Variants in ATP6V0D1 observed in about 807,000 individuals in gnomAD.
The protein encoded by ATP6V0D1 is V-type proton ATPase subunit d 1.
ATP6V0D1 carries 13 observed loss-of-function variants against 39.0 expected under a neutral mutation model. That is an observed-to-expected ratio of 0.33 (90% CI 0.22 to 0.53). The LOEUF (loss-of-function observed/expected upper bound fraction) is 0.53. ATP6V0D1 is among the 20% of genes least tolerant of loss of function. The probability of loss-of-function intolerance (pLI) is 0.94; values close to 1 mark genes in which losing one functional copy is unlikely to be tolerated. For synonymous variants in ATP6V0D1, 191 were observed against 191.2 expected, an observed-to-expected ratio of 1.00 and a Z score of 0.01; for missense variants, 272 against 470.9, an observed-to-expected ratio of 0.58 and a Z score of 3.91.
Position 67,480,969 on chromosome 16 carries a change from C to G in ATP6V0D1, c.118G>C (p.Glu40Gln). The G allele has an allele frequency of 6.2e-7, 1 of 1,614,098 alleles. No individual in the cohort carries two copies. The highest frequency in any genetic ancestry group is 8.5e-7 in the Non-Finnish European group (1 of 1,179,980). Residue 40 changes from glutamate to glutamine, a missense_variant, in exon 1 of 8, where the codon GAG (glutamate) becomes CAG (glutamine). Coordinates refer to ENST00000290949, the MANE Select transcript of ATP6V0D1 (RefSeq NM_004691.5). ...QADYLNLVQC[E>Q]TLEDLKLHLQ... ...GGCCCCGGCTCACCCTCTAGCGTCTCGCACTGCACCAGGTTGAGGTAGTCG... is the reference window on the plus strand; with the variant it reads ...GGCCCCGGCTCACCCTCTAGCGTCTGGCACTGCACCAGGTTGAGGTAGTCG...
At chr16:67,477,730 T>A (rs1358363908) in intron 1 of ATP6V0D1, among the ~76,000 whole-genome samples, 1 of 152,162 alleles carries the variant, frequency 6.6e-6, no homozygotes, top group East Asian at 1.9e-4. Flanking sequence ...TGGAGCACAG[T>A]GGCTCGATCT....
chr16:67,459,779 G>A (rs2041274688), intron 1 of ATP6V0D1, among the ~76,000 whole-genome samples: 1 of 152,354 alleles, frequency 6.6e-6, no homozygotes. Context: ...CCTCCCCAAG[G>A]GCCATAGGGA....
intron 1 of ATP6V0D1, among the ~76,000 whole-genome samples, chr16:67,458,125 A>G (rs2041256641): frequency 6.6e-6 from 1 of 152,180 alleles, no homozygotes; most frequent in Non-Finnish European, 1.5e-5. Flanking sequence ...GGGCTTCTAA[A>G]CCAGCTCTGG....
intron 1 of ATP6V0D1, among the ~76,000 whole-genome samples, chr16:67,479,042 C>T (rs1019513240): frequency 6.6e-6 from 1 of 152,114 alleles, no homozygotes; most frequent in Admixed American, 6.6e-5. Flanking sequence ...AGGCAGCCTC[C>T]CTCTATTCTC....
At chr16:67,458,252 GCTCT>G (rs1284630583) in intron 1 of ATP6V0D1, among the ~76,000 whole-genome samples, 1 of 152,218 alleles carries the variant, frequency 6.6e-6, no homozygotes, top group Non-Finnish European at 1.5e-5. Flanking sequence ...CCAGCTTCCT[GCTCT>G]CTCTGAGGGA....
Position 67,453,424 on chromosome 16 carries a change from T to C in ATP6V0D1, c.302+120A>G. 1.7e-6 allele frequency: 2 copies of C among 1,205,674 alleles called. No individual in the cohort carries two copies. Among genetic ancestry groups the C allele is most frequent in the Non-Finnish European group, 2.4e-6 (2 of 844,606 alleles). The allele number at this position is 1,205,674 out of a possible 1,614,324, so 74.7% of individuals were successfully genotyped here. On this transcript the variant is annotated intron_variant, in intron 2 of 7. Coordinates refer to ENST00000290949, the MANE Select transcript of ATP6V0D1 (RefSeq NM_004691.5). The surrounding 1 kb of genome is among the most constrained non-coding windows in gnomAD (Gnocchi z 4.1). ...GACACCTGGCCTGACAGAGCTGCCA[T>C]CAGCTCTGACAGCTGACACAGGCAC...
At chr16:67,445,156 A>G (rs1357542759) in intron 2 of ATP6V0D1, among the ~76,000 whole-genome samples, 3 of 152,168 alleles carry the variant, frequency 2.0e-5, no homozygotes, top group Non-Finnish European at 4.4e-5. Flanking sequence ...GCCTGGAGGC[A>G]CTCACTGAGT....
At chr16:67,479,647 T>G (rs1327198892) in intron 1 of ATP6V0D1, among the ~76,000 whole-genome samples, 1 of 152,234 alleles carries the variant, frequency 6.6e-6, no homozygotes, top group Non-Finnish European at 1.5e-5. Context: ...CTTTTTCATT[T>G]GAGCTCACTT....
In ATP6V0D1 at chr16:67,460,352, C is replaced by T. The variant is rs574464032; in HGVS notation, c.131-6637G>A. Among the ~76,000 whole-genome samples, 7 of 152,334 alleles carry T rather than the reference C, an allele frequency of 4.6e-5. No homozygotes were observed. The South Asian group carries it at 6.2e-4, about 14-fold the overall frequency. On this transcript the variant is annotated intron_variant, in intron 1 of 7. Transcript: ENST00000290949. ...CTGCCCCTCCTCGGTGAATGTGCTGCGCCTGACCTCCTCCCTAGGCTCAGG... is the reference window on the plus strand; with the variant it reads ...CTGCCCCTCCTCGGTGAATGTGCTGTGCCTGACCTCCTCCCTAGGCTCAGG...
chr16:67,439,784 G>A, intron 4 of ATP6V0D1: 1 of 202,518 alleles, frequency 4.9e-6, no homozygotes, highest in Non-Finnish European at 1.0e-5. Flanking sequence ...CACTTTGGGA[G>A]GCCAAGGCAG....
At chr16:67,462,787 C>T (rs1406768191) in intron 1 of ATP6V0D1, among the ~76,000 whole-genome samples, 1 of 150,744 alleles carries the variant, frequency 6.6e-6, no homozygotes, top group African/African-American at 2.5e-5. Context: ...AAGATCATGC[C>T]ACTGCACTCC....
chr16:67,469,307 C>G (rs2041354329), intron 1 of ATP6V0D1, among the ~76,000 whole-genome samples: 1 of 151,962 alleles, frequency 6.6e-6, no homozygotes, highest in Non-Finnish European at 1.5e-5. Context: ...GACTCCTTCT[C>G]AAAATAAATA....
chr16:67,474,163 G>A (rs1375757139), intron 1 of ATP6V0D1, among the ~76,000 whole-genome samples: 3 of 152,182 alleles, frequency 2.0e-5, no homozygotes, highest in Non-Finnish European at 4.4e-5. Flanking sequence ...GGCCCACCAT[G>A]GCACCTGTCT....
Position 67,444,693 on chromosome 16 carries a change from T to C in ATP6V0D1, c.316A>G (p.Ile106Val), listed in dbSNP as rs535774381. 1 of 1,599,276 alleles carries C rather than the reference T, an allele frequency of 6.3e-7. No homozygotes were observed. The highest frequency in any genetic ancestry group is 1.3e-5 in the African/African-American group (1 of 74,836). Residue 106 changes from isoleucine (I) to valine (V), a missense_variant, in exon 3 of 8, where the codon ATC becomes GTC. By Grantham distance (29) the Ile-to-Val change is conservative. Coordinates refer to ENST00000290949, the MANE Select transcript of ATP6V0D1 (RefSeq NM_004691.5). This position sits in a 1 kb window ranked among gnomAD's most constrained non-coding sequence, Gnocchi z 4.8. ...GTGATGAGCAGGATCACGTTGTCGA[T>C]CATGTAACTGTAACTACAGGGGGCA... ...FLDFITYSYM[I>V]DNVILLITGT...
intron 1 of ATP6V0D1, among the ~76,000 whole-genome samples, chr16:67,470,048 G>A (rs1597582890): frequency 6.6e-6 from 1 of 152,162 alleles, no homozygotes; most frequent in Admixed American, 6.5e-5. Context: ...GCACTCTCTC[G>A]TAGTATTCCA....
At chr16:67,464,974 T>A (rs1353044256) in intron 1 of ATP6V0D1, among the ~76,000 whole-genome samples, 1 of 152,216 alleles carries the variant, frequency 6.6e-6, no homozygotes, top group Non-Finnish European at 1.5e-5. Flanking sequence ...TACTCCTTGG[T>A]CCTTCAGGGG....
Position 67,444,883 on chromosome 16 carries a change from T to C in ATP6V0D1, c.303-177A>G, listed in dbSNP as rs1408937298. On this transcript the variant is annotated intron_variant, in intron 2 of 7. Transcript: ENST00000290949. The surrounding 1 kb of genome is among the most constrained non-coding windows in gnomAD (Gnocchi z 4.8). ...CTCCCTCCCCATGTTCCTCTCAAGC[T>C]TCTGACCACCCCCACTGCCAGAGGC... 1.3e-5 allele frequency among the ~76,000 whole-genome samples: 2 copies of C among 152,076 alleles called. No homozygotes were observed. The highest frequency in any genetic ancestry group is 1.3e-4 in the Admixed American group (2 of 15,274).
chr16:67,465,850 C>A, intron 1 of ATP6V0D1, among the ~76,000 whole-genome samples: 1 of 152,096 alleles, frequency 6.6e-6, no homozygotes, highest in East Asian at 1.9e-4. Context: ...GAAGTAGGGC[C>A]CAGAGCAGAG....
intron 1 of ATP6V0D1, among the ~76,000 whole-genome samples, chr16:67,479,825 C>T (rs999323841): frequency 6.6e-6 from 1 of 152,156 alleles, no homozygotes; most frequent in Non-Finnish European, 1.5e-5. Context: ...CCTTCCCTAC[C>T]ACCTGGAGCG....
Sources: allele counts gnomAD v4.1 joint callset (sites outside exome capture counted in the v4.1 genomes callset), GRCh38; gene constraint gnomAD v4.1.1; non-coding constraint Gnocchi (gnomAD v3.1); transcripts MANE v1.5; gene names NCBI Gene and HGNC (gene_info 2026-07-23, HGNC 2026-07-21).